ASTN1: variants seen among roughly 807,000 people sequenced by gnomAD.
The protein encoded by ASTN1 is astrotactin 1, also known as astrotactin-1.
Under a neutral mutation model 140.7 loss-of-function variants are expected in ASTN1, and 41 were observed. The ratio of observed to expected loss-of-function variants is 0.29; its 90% confidence interval spans 0.23 to 0.38. The LOEUF (loss-of-function observed/expected upper bound fraction) is 0.38, where lower values mean the gene tolerates loss of function less well. Ranked by LOEUF, ASTN1 falls within the 10% of genes least tolerant of loss-of-function variation. ASTN1 has a pLI of 1.00. For synonymous variants in ASTN1, 640 were observed against 652.2 expected (o/e 0.98, Z 0.29); for missense variants, 1,479 against 1,678.8 (o/e 0.88, Z 2.08).
chr1:177,049,009 A>G (rs1677391180), intron 2 of ASTN1, among the ~76,000 whole-genome samples: 1 of 152,238 alleles, frequency 6.6e-6, no homozygotes, highest in African/African-American at 2.4e-5. Flanking sequence ...AAGCCTGCCA[A>G]GCCCAGCATA....
At chr1:176,872,087 G>T (rs1272864832) in intron 21 of ASTN1, among the ~76,000 whole-genome samples, 1 of 152,038 alleles carries the variant, frequency 6.6e-6, no homozygotes, top group Non-Finnish European at 1.5e-5. Context: ...CCTGGGACAA[G>T]TTACTTAACC....
intron 1 of ASTN1, among the ~76,000 whole-genome samples, chr1:177,138,065 C>A (rs886151234): frequency 7.9e-5 from 12 of 152,080 alleles, no homozygotes; most frequent in Non-Finnish European, 1.8e-4. Flanking sequence ...CACCCCCTTG[C>A]CAATAACCAA....
intron 21 of ASTN1, among the ~76,000 whole-genome samples, chr1:176,874,772 G>C (rs1157205043): frequency 2.0e-5 from 3 of 152,010 alleles, no homozygotes; most frequent in Non-Finnish European, 4.4e-5. Flanking sequence ...ATTTTCACTA[G>C]AACTTCATTA....
intron 1 of ASTN1, among the ~76,000 whole-genome samples, chr1:177,064,996 G>T (rs956852106): frequency 6.6e-6 from 1 of 152,218 alleles, no homozygotes; most frequent in Admixed American, 6.5e-5. Flanking sequence ...AATATCTCAA[G>T]AAGAGGAAAT....
intron 2 of ASTN1, among the ~76,000 whole-genome samples, chr1:177,056,343 C>G (rs1027981859): frequency 6.6e-6 from 1 of 152,092 alleles, no homozygotes; most frequent in Non-Finnish European, 1.5e-5. Flanking sequence ...AACTCTGTAC[C>G]TTGGGTTCAC....
intron 1 of ASTN1, among the ~76,000 whole-genome samples, chr1:177,152,164 C>A (rs1329705817): frequency 6.6e-6 from 1 of 152,068 alleles, no homozygotes; most frequent in Non-Finnish European, 1.5e-5. Context: ...CCAAAGCCAT[C>A]AGTCAGGACC....
At chr1:177,033,194 T>C (rs1203615548) in intron 2 of ASTN1, among the ~76,000 whole-genome samples, 3 of 151,676 alleles carry the variant, frequency 2.0e-5, no homozygotes, top group Non-Finnish European at 4.4e-5. Context: ...AGAGCTTTTA[T>C]GTATTAAGTT....
intron 9 of ASTN1, among the ~76,000 whole-genome samples, chr1:176,963,396 T>G (rs1300007817): frequency 2.0e-5 from 3 of 152,210 alleles, no homozygotes; most frequent in Admixed American, 2.0e-4. Flanking sequence ...AAGTTCCTGG[T>G]ACCTAAAATA....
chr1:177,081,702 T>C (rs575817244), intron 1 of ASTN1, among the ~76,000 whole-genome samples: 187 of 152,224 alleles, frequency 1.2e-3, no homozygotes, highest in African/African-American at 4.4e-3. Context: ...TGTACGAAGA[T>C]GGGGAGCTCA....
At chr1:176,869,381 T>A (rs1247037316) in intron 21 of ASTN1, among the ~76,000 whole-genome samples, 1 of 152,194 alleles carries the variant, frequency 6.6e-6, no homozygotes, top group East Asian at 1.9e-4. Flanking sequence ...AGGCTTTGAC[T>A]AGACTCTCTC....
At chr1:177,061,773 G>A (rs1456464916) in intron 1 of ASTN1, among the ~76,000 whole-genome samples, 1 of 152,204 alleles carries the variant, frequency 6.6e-6, no homozygotes, top group African/African-American at 2.4e-5. Flanking sequence ...GGGGCTGGTA[G>A]GTTATTTCTA....
At position 176,909,480 on chromosome 1, in the gene ASTN1, A is replaced by G. The variant is rs1389578027; in HGVS notation, c.2672-14650T>C. On this transcript the variant is annotated intron_variant, in intron 16 of 22. Transcript: ENST00000361833. ...TGATCCTTTAATTTATATTAAGGGG[A>G]AAATGGGTAAAAAAGATGCTGCTGA... 2.0e-5 allele frequency among the ~76,000 whole-genome samples: 3 copies of G among 152,268 alleles called. No homozygotes were observed. The East Asian group carries it at 5.8e-4, about 29-fold the overall frequency.
Position 176,863,701 on chromosome 1 carries a change from A to G in ASTN1, c.*583T>C, listed in dbSNP as rs971385460. On this transcript the variant is annotated 3_prime_UTR_variant, in exon 23 of 23. Transcript: ENST00000361833. The stretch of plus-strand genomic sequence containing the variant: ...TGAAAGCTGGTTTCACCTTTCGGGT[A>G]TGGAAATAGTGATAGCAAGGCCTAG... 2.0e-6 allele frequency: 2 copies of G among 985,816 alleles called. No individual in the cohort carries two copies. The highest frequency in any genetic ancestry group is 3.5e-5 in the African/African-American group (2 of 57,244). 61.1% of individuals were successfully genotyped at this position (985,816 alleles called of 1,614,324 possible).
At chr1:177,089,454 G>A (rs538785291) in intron 1 of ASTN1, among the ~76,000 whole-genome samples, 2 of 152,042 alleles carry the variant, frequency 1.3e-5, no homozygotes, top group East Asian at 3.9e-4. Flanking sequence ...AGAGAGAGAC[G>A]CACTGGGACA....
At chr1:176,901,118 T>C (rs562618165) in intron 16 of ASTN1, among the ~76,000 whole-genome samples, 256 of 152,330 alleles carry the variant, frequency 1.7e-3, no homozygotes, top group Non-Finnish European at 2.9e-3. Flanking sequence ...TCTTTTGAGA[T>C]GCTCTGGGTT....
chr1:177,122,013 G>A (rs191964742), intron 1 of ASTN1, among the ~76,000 whole-genome samples: 8 of 152,272 alleles, frequency 5.3e-5, no homozygotes, highest in Admixed American at 2.0e-4. Context: ...CTTGGCTCGA[G>A]CAGAAGGAAT....
At chr1:176,974,453 T>G (rs1367077594) in intron 8 of ASTN1, among the ~76,000 whole-genome samples, 2 of 151,950 alleles carry the variant, frequency 1.3e-5, no homozygotes, top group African/African-American at 2.4e-5. Flanking sequence ...TGTCATGATC[T>G]TGACTCACTA....
chr1:176,888,227 G>C, intron 17 of ASTN1, 23 bp from the exon 18 acceptor site: 1 of 1,613,074 alleles, frequency 6.2e-7, no homozygotes, highest in Non-Finnish European at 8.5e-7. Context: ...ACAGGGAAAA[G>C]ATTGAGTGTT....
Position 176,882,839 on chromosome 1 carries a change from G to A in ASTN1, c.3362+20C>T, listed in dbSNP as rs1353894769. ...GGACTGTCAGGGTAAGAAGTCACTA[G>A]GTAGGTGTGTGTTACTCACATGTAA... On this transcript the variant is annotated intron_variant, in intron 20 of 22. Coordinates refer to ENST00000361833, the MANE Select transcript of ASTN1 (RefSeq NM_004319.3). 3 of 1,613,908 alleles carry A rather than the reference G, an allele frequency of 1.9e-6. No individual in the cohort carries two copies. The highest frequency in any genetic ancestry group is 2.5e-6 in the Non-Finnish European group (3 of 1,179,948).
Sources: allele counts gnomAD v4.1 joint callset (sites outside exome capture counted in the v4.1 genomes callset), GRCh38; gene constraint gnomAD v4.1.1; transcripts MANE v1.5; gene names NCBI Gene and HGNC (gene_info 2026-07-23, HGNC 2026-07-21).